RANBP2: variants seen among roughly 807,000 people sequenced by gnomAD.
The protein encoded by RANBP2 is RAN binding protein 2.
Under a neutral mutation model 303.6 loss-of-function variants are expected in RANBP2, and 57 were observed. That is an observed-to-expected ratio of 0.19 (90% CI 0.15 to 0.23). The LOEUF (loss-of-function observed/expected upper bound fraction) is 0.23, where lower values mean the gene tolerates loss of function less well. Among genes scored for constraint, RANBP2 ranks in the 10% least tolerant of loss-of-function variants. The probability of loss-of-function intolerance (pLI) is 1.00; values close to 1 mark genes in which losing one functional copy is unlikely to be tolerated. For synonymous variants in RANBP2, 1,167 were observed against 1,301.5 expected, an observed-to-expected ratio of 0.90 and a Z score of 2.23; for missense variants, 3,138 against 3,780.8, an observed-to-expected ratio of 0.83 and a Z score of 4.46.
the RANBP2 span, among the ~76,000 whole-genome samples, chr2:108,990,191 G>C: frequency 9.2e-5 from 14 of 152,028 alleles, no homozygotes; most frequent in Non-Finnish European, 4.4e-5. Context: ...CAGCACTTTG[G>C]GAGGCCGAGG....
chr2:109,686,595 A>G, the RANBP2 span, among the ~76,000 whole-genome samples: 125 of 152,062 alleles, frequency 8.2e-4, no homozygotes, highest in Non-Finnish European at 1.9e-4. Context: ...TTACAGGCGT[A>G]AGCCACAGCG....
At chr2:109,046,380 T>A in the RANBP2 span, among the ~76,000 whole-genome samples, 12 of 135,224 alleles carry the variant, frequency 8.9e-5, no homozygotes, top group South Asian at 2.3e-4. Flanking sequence ...TTTTTTTTTT[T>A]AAACTTACTT....
intron 8 of RANBP2, among the ~76,000 whole-genome samples, chr2:108,748,261 G>T (rs1675535843): frequency 6.6e-6 from 1 of 150,846 alleles, no homozygotes; most frequent in South Asian, 2.1e-4. Context: ...GGGCTGGAGT[G>T]CAGTGGCGTG....
chr2:109,128,624 T>G, the RANBP2 span: 1 of 154,940 alleles, frequency 6.5e-6, no homozygotes, highest in Non-Finnish European at 1.4e-5. Context: ...CGGAAAGGAG[T>G]CTGAACTGGG....
the RANBP2 span, among the ~76,000 whole-genome samples, chr2:109,684,237 C>T: frequency 8.7e-5 from 3 of 34,508 alleles, no homozygotes; most frequent in South Asian, 1.5e-3. Context: ...CCACCACACC[C>T]GGTCTTACTT....
At chr2:108,786,530 G>A (rs572669496), downstream of RANBP2, among the ~76,000 whole-genome samples, 1 of 152,338 alleles carries the variant, frequency 6.6e-6, no homozygotes, top group Admixed American at 6.5e-5. Context: ...CTGCAGGCAG[G>A]TGCGGGGCCT....
chr2:109,185,037 A>AT, the RANBP2 span, among the ~76,000 whole-genome samples: 6 of 152,232 alleles, frequency 3.9e-5, no homozygotes, highest in African/African-American at 1.2e-4. Flanking sequence ...GAACCTGCTT[A>AT]TTATCTGTTT....
chr2:109,116,735 C>T, the RANBP2 span, among the ~76,000 whole-genome samples: 1 of 152,208 alleles, frequency 6.6e-6, no homozygotes, highest in Non-Finnish European at 1.5e-5. Flanking sequence ...AGTTTTTCTG[C>T]TCTGTTTTTT....
chr2:109,340,587 T>C, the RANBP2 span, among the ~76,000 whole-genome samples: 4 of 152,210 alleles, frequency 2.6e-5, no homozygotes, highest in Admixed American at 6.5e-5. Context: ...CTTCCTACAC[T>C]TAGAAGCATC....
At chr2:109,497,719 G>T in the RANBP2 span, among the ~76,000 whole-genome samples, 4 of 152,194 alleles carry the variant, frequency 2.6e-5, no homozygotes, top group Non-Finnish European at 4.4e-5. Context: ...TTAAACACTT[G>T]TCTCGTATAA....
the RANBP2 span, among the ~76,000 whole-genome samples, chr2:108,917,383 A>G: frequency 6.6e-6 from 1 of 152,156 alleles, no homozygotes; most frequent in Admixed American, 6.6e-5. Flanking sequence ...TGCATTGTAT[A>G]TTTCTCACAG....
the RANBP2 span, among the ~76,000 whole-genome samples, chr2:109,453,118 C>G: frequency 3.3e-5 from 5 of 152,184 alleles, no homozygotes; most frequent in Admixed American, 2.0e-4. Flanking sequence ...GGGGATAATA[C>G]AAGTGCAGAC....
At chr2:109,683,138 T>C in the RANBP2 span, among the ~76,000 whole-genome samples, 2 of 152,168 alleles carry the variant, frequency 1.3e-5, no homozygotes, top group Non-Finnish European at 2.9e-5. Flanking sequence ...CCCAAGTAGC[T>C]ACGATTACAG....
chr2:109,104,052 C>A, the RANBP2 span, among the ~76,000 whole-genome samples: 1 of 152,142 alleles, frequency 6.6e-6, no homozygotes, highest in Admixed American at 6.5e-5. Context: ...CCTCGGCCTC[C>A]CGAAGTGCTG....
chr2:109,525,163 T>A, the RANBP2 span, among the ~76,000 whole-genome samples: 1 of 151,984 alleles, frequency 6.6e-6, no homozygotes, highest in Admixed American at 6.6e-5. Context: ...TTGTTTTTTG[T>A]TTGGTTTTTG....
At chr2:109,235,047 C>T in the RANBP2 span, among the ~76,000 whole-genome samples, 1 of 152,158 alleles carries the variant, frequency 6.6e-6, no homozygotes, top group Non-Finnish European at 1.5e-5. Flanking sequence ...GCCCAGTAGG[C>T]CATCATGTTC....
the RANBP2 span, among the ~76,000 whole-genome samples, chr2:109,007,294 C>T: frequency 6.6e-6 from 1 of 152,224 alleles, no homozygotes; most frequent in South Asian, 2.1e-4. Context: ...AGCTCTCTTT[C>T]TAGCAGATCA....
chr2:109,585,472 C>T, the RANBP2 span: 1 of 699,236 alleles, frequency 1.4e-6, no homozygotes, highest in Non-Finnish European at 2.4e-6. Context: ...TCCCCCAAGT[C>T]ATTAGCAGAG....
At chr2:109,615,037 G>A in the RANBP2 span, 1 of 1,548,026 alleles carries the variant, frequency 6.5e-7, no homozygotes, top group East Asian at 2.4e-5. Flanking sequence ...CCACATGGCT[G>A]CGAGGAGGCG....
Sources: gnomAD v4.1 joint callset for allele counts (sites outside exome capture counted in the v4.1 genomes callset) on GRCh38, gnomAD v4.1.1 for gene constraint, MANE v1.5 for transcripts, NCBI Gene and HGNC (gene_info 2026-07-23, HGNC 2026-07-21) for gene names.